Variants in UGGT2 observed in about 807,000 individuals in gnomAD.
The protein encoded by UGGT2 is UDP-glucose:glycoprotein glucosyltransferase 2.
A neutral mutation model predicts 192.1 loss-of-function variants in UGGT2; 180 were observed. The observed-to-expected ratio is 0.94, with a 90% CI of 0.83 to 1.06. UGGT2 has a LOEUF of 1.06. Among genes scored for constraint, UGGT2 ranks in the 50% least tolerant of loss-of-function variants. The pLI, the probability that UGGT2 is intolerant of heterozygous loss-of-function variation, is 0.00. For missense variants in UGGT2, 1,849 were observed against 1,795.7 expected (o/e 1.03, Z -0.54); for synonymous variants, 580 against 591.0 (o/e 0.98, Z 0.27).
In UGGT2 at chr13:95,860,428, T is replaced by C. The variant is rs190914485; in HGVS notation, c.3740+360A>G. On this transcript the variant is annotated intron_variant, in intron 32 of 38. Transcript: ENST00000376747. ...TGCTAGCCTTGAAGAAAACCAATAT[T>C]CCAAATCAAGCCAAACTCATGAAAT... Among the ~76,000 whole-genome samples the C allele has an allele frequency of 3.2e-3, 476 of 149,642 alleles. 3 individuals carry two copies. The highest frequency in any genetic ancestry group is 0.011 in the African/African-American group (454 of 41,080).
intron 20 of UGGT2, among the ~76,000 whole-genome samples, chr13:95,904,452 C>A (rs554253154): frequency 3.1e-5 from 4 of 130,204 alleles, no homozygotes; most frequent in South Asian, 3.3e-4. Context: ...CCCTCCCCCC[C>A]ACCCCACAAC....
At chr13:95,969,095 G>A (rs1345508188) in intron 12 of UGGT2, among the ~76,000 whole-genome samples, 2 of 152,102 alleles carry the variant, frequency 1.3e-5, no homozygotes, top group Non-Finnish European at 2.9e-5. Flanking sequence ...TCCTCAGTCC[G>A]GAGATTCAGC....
At chr13:96,028,981 TA>T (rs11408600) in intron 2 of UGGT2, among the ~76,000 whole-genome samples, 117 of 147,684 alleles carry the variant, frequency 7.9e-4, no homozygotes, top group East Asian at 1.2e-3. Flanking sequence ...CCGTCTCTAA[TA>T]AAAAAAAAAA....
chr13:96,020,359 GAAGTCTATACA>G (rs1254205624), intron 4 of UGGT2, among the ~76,000 whole-genome samples: 1 of 152,148 alleles, frequency 6.6e-6, no homozygotes, highest in African/African-American at 2.4e-5. Context: ...CAGCAGCTAT[GAAGTCTATACA>G]AAGTTGTGAT....
chr13:95,827,570 T>C (rs1294473410), intron 38 of UGGT2, among the ~76,000 whole-genome samples: 1 of 152,128 alleles, frequency 6.6e-6, no homozygotes, highest in African/African-American at 2.4e-5. Context: ...ACAATAAATG[T>C]CCAGTTTAAG....
intron 38 of UGGT2, among the ~76,000 whole-genome samples, chr13:95,816,953 C>G (rs984522075): frequency 6.6e-5 from 10 of 152,022 alleles, no homozygotes; most frequent in African/African-American, 2.4e-4. Context: ...ATGGCGAAAC[C>G]CCCTCTCTAC....
At chr13:96,037,357 C>T (rs918800110) in intron 1 of UGGT2, among the ~76,000 whole-genome samples, 7 of 152,144 alleles carry the variant, frequency 4.6e-5, no homozygotes, top group Non-Finnish European at 8.8e-5. Flanking sequence ...TGCCACCACA[C>T]GCAGCTATTT....
chr13:95,872,537 G>A (rs1357751326), intron 29 of UGGT2, among the ~76,000 whole-genome samples: 2 of 152,072 alleles, frequency 1.3e-5, no homozygotes, highest in South Asian at 2.1e-4. Context: ...TATTGACCTC[G>A]TTAGACTTTT....
intron 20 of UGGT2, among the ~76,000 whole-genome samples, chr13:95,905,708 T>C (rs2048266946): frequency 6.6e-6 from 1 of 152,188 alleles, no homozygotes; most frequent in Non-Finnish European, 1.5e-5. Context: ...AGCCTTGTAG[T>C]ATAGTTTGAA....
intron 26 of UGGT2, among the ~76,000 whole-genome samples, chr13:95,886,423 G>A (rs61972902): frequency 0.026 from 3,885 of 152,210 alleles, 56 homozygotes; most frequent in Non-Finnish European, 0.034. Flanking sequence ...AGTAGATTAT[G>A]CTTGCTTATA....
chr13:95,931,077 CTACAGAGAGCTGATTGGTCTGTTT>C (rs1479876468), intron 17 of UGGT2, among the ~76,000 whole-genome samples: 101 of 152,256 alleles, frequency 6.6e-4, no homozygotes, highest in African/African-American at 2.0e-3. Context: ...TTGGTCCATT[CTACAGAGAGCTGATTGGTCTGTTT>C]TACAGAGAGC....
intron 29 of UGGT2, among the ~76,000 whole-genome samples, chr13:95,871,191 T>C (rs779306990): frequency 1.3e-5 from 2 of 152,156 alleles, no homozygotes; most frequent in Non-Finnish European, 2.9e-5. Flanking sequence ...AAACAGAATA[T>C]TGGGGGTAGG....
chr13:96,048,958 G>C (rs1384455087), intron 1 of UGGT2, among the ~76,000 whole-genome samples: 1 of 152,102 alleles, frequency 6.6e-6, no homozygotes, highest in African/African-American at 2.4e-5. Context: ...TACAAAAAAA[G>C]GGAATCCTCC....
At position 95,853,543 on chromosome 13, in the gene UGGT2, C is replaced by G; in HGVS notation, c.4284G>C (p.Gln1428His). 2 of 1,612,456 alleles carry G rather than the reference C, an allele frequency of 1.2e-6. No individual in the cohort carries two copies. Among genetic ancestry groups the G allele is most frequent in the Non-Finnish European group, 1.7e-6 (2 of 1,179,052 alleles). Residue 1428 changes from glutamine (Q) to histidine (H), a missense_variant and splice_region_variant, in exon 36 of 39, where the codon CAG becomes CAC. Transcript: ENST00000376747. ...QDPNSLSNLD[Q>H]DLPNNMIYQV... ...ATTATTCTGTTAACATTTTACTTAC[C>G]TGATCTAGGTTTGAAAGACTGTTTG...
chr13:95,935,343 C>A (rs546013936), intron 17 of UGGT2, among the ~76,000 whole-genome samples: 1 of 152,274 alleles, frequency 6.6e-6, no homozygotes, highest in Non-Finnish European at 1.5e-5. Context: ...CCTTAAAGAG[C>A]TCTTGTAAGG....
intron 37 of UGGT2, among the ~76,000 whole-genome samples, chr13:95,835,082 T>C (rs545320507): frequency 1.3e-3 from 201 of 152,304 alleles, no homozygotes; most frequent in African/African-American, 4.7e-3. Context: ...ATGAGATATA[T>C]GTTATTTTCA....
chr13:95,991,696 TTTAAG>T (rs1444976119), intron 7 of UGGT2, among the ~76,000 whole-genome samples: 4 of 152,198 alleles, frequency 2.6e-5, no homozygotes, highest in Non-Finnish European at 5.9e-5. Flanking sequence ...TTTCAATATT[TTTAAG>T]TTATCAGATT....
Position 95,977,113 on chromosome 13 carries a change from G to C in UGGT2, c.1093-4442C>G, listed in dbSNP as rs566059625. ...ATAAAAATCCTAGAAGAAAACTTAG[G>C]CAATATCATTCAGGACACAGGCATG... On this transcript the variant is annotated intron_variant, in intron 10 of 38. Transcript: ENST00000376747. Among the ~76,000 whole-genome samples the C allele has an allele frequency of 4.9e-4, 74 of 152,214 alleles. 1 individual carries two copies. Among genetic ancestry groups the C allele is most frequent in the Middle Eastern group, 3.4e-3 (1 of 294 alleles).
At chr13:96,006,131 G>A (rs2051965624) in intron 5 of UGGT2, among the ~76,000 whole-genome samples, 1 of 152,182 alleles carries the variant, frequency 6.6e-6, no homozygotes, top group Admixed American at 6.5e-5. Context: ...AAACTTTCAG[G>A]AGGGAATTTA....
Sources: allele counts gnomAD v4.1 joint callset (sites outside exome capture counted in the v4.1 genomes callset), GRCh38; gene constraint gnomAD v4.1.1; transcripts MANE v1.5; gene names NCBI Gene and HGNC (gene_info 2026-07-23, HGNC 2026-07-21).